Variants in ANGPTL1 observed in about 807,000 individuals in gnomAD.
The protein encoded by ANGPTL1 is angiopoietin like 1.
ANGPTL1 carries 36 observed loss-of-function variants against 46.7 expected under a neutral mutation model. The observed-to-expected ratio is 0.77, with a 90% CI of 0.59 to 1.02. ANGPTL1 has a LOEUF of 1.02. ANGPTL1 is among the 50% of genes least tolerant of loss of function. The pLI is 0.00. For synonymous variants in ANGPTL1, 221 were observed against 204.3 expected (o/e 1.08, Z -0.69); for missense variants, 571 against 594.7 (o/e 0.96, Z 0.41).
At chr1:178,851,724 C>A (rs1422397531) in intron 5 of ANGPTL1, among the ~76,000 whole-genome samples, 1 of 152,110 alleles carries the variant, frequency 6.6e-6, no homozygotes, top group Non-Finnish European at 1.5e-5. Context: ...ATAAAACCAG[C>A]AGTCAAATGG....
rs778325732 is a variant in ANGPTL1, at chr1:178,853,718, G to C, written c.893C>G (p.Pro298Arg). 48 of 1,611,080 alleles carry C rather than the reference G, an allele frequency of 3.0e-5. No homozygotes were observed. In the Admixed American group the frequency reaches 6.2e-4, roughly 21 times the overall value. ...CTGCATTGGTCCATTGCTGTTTTCA[G>C]GTTTAATCATATAAATCCCACTGAC... Reference protein sequence around the residue: ...HSVSGIYMIKPENSNGPMQLW... With the variant: ...HSVSGIYMIKRENSNGPMQLW... The change falls in exon 4 of 6, where the codon CCT becomes CGT. Residue 298 changes from proline to arginine, a missense_variant. Coordinates refer to ENST00000234816, the MANE Select transcript of ANGPTL1 (RefSeq NM_004673.4).
chr1:178,871,050 T>G lies in ANGPTL1; in HGVS notation c.-446A>C, dbSNP rs1414025644. ...CACATGGAGAAATGCAGTAACCAGCTGCAGCTGACCCAGATTGTATATACA... is the reference window on the plus strand; with the variant it reads ...CACATGGAGAAATGCAGTAACCAGCGGCAGCTGACCCAGATTGTATATACA... On this transcript the variant is annotated 5_prime_UTR_variant, in exon 1 of 6. Coordinates refer to ENST00000234816, the MANE Select transcript of ANGPTL1 (RefSeq NM_004673.4). 1 of 152,224 alleles carries G rather than the reference T, an allele frequency of 6.6e-6. No homozygotes were observed. Among genetic ancestry groups the G allele is most frequent in the African/African-American group, 2.4e-5 (1 of 41,466 alleles). The allele number at this position is 152,224 out of a possible 1,614,324, so 9.4% of individuals were successfully genotyped here.
In ANGPTL1 at chr1:178,856,810, C is replaced by A. The variant is rs375949223; in HGVS notation, c.824-3023G>T. ...ATCAAAGATGAATGTACAGTCATTT[C>A]TACTGCAGATAAATATTACTGAAAA... is the stretch of plus-strand genomic sequence containing the variant. On this transcript the variant is annotated intron_variant, in intron 3 of 5. Transcript: ENST00000234816. 7.9e-4 allele frequency among the ~76,000 whole-genome samples: 120 copies of A among 152,160 alleles called. 1 individual carries two copies. Among genetic ancestry groups the A allele is most frequent in the Non-Finnish European group, 1.4e-3 (93 of 68,000 alleles).
chr1:178,863,309 A>T (rs1190866182), intron 3 of ANGPTL1, among the ~76,000 whole-genome samples: 1 of 152,240 alleles, frequency 6.6e-6, no homozygotes, highest in Non-Finnish European at 1.5e-5. Context: ...ACATTAATCA[A>T]AACAGAGATG....
chr1:178,852,758 T>C lies in ANGPTL1; in HGVS notation c.1213A>G (p.Asn405Asp), dbSNP rs1213022940. The change falls in exon 5 of 6, where the codon AAT (asparagine) becomes GAT (aspartate). Residue 405 changes from asparagine (N) to aspartate (D), a missense_variant. By Grantham distance (23) the Asn-to-Asp change is conservative (BLOSUM62 1). Coordinates refer to ENST00000234816, the MANE Select transcript of ANGPTL1 (RefSeq NM_004673.4). ...TGCCACATCATAGAATCCCCTGCAT[T>C]TCCCTGGTAAGTTCCCAGGCGCAGT... ...YRLRLGTYQG[N>D]AGDSMMWHNG... The C allele has an allele frequency of 2.5e-6, 4 of 1,613,826 alleles. No homozygotes were observed. Among genetic ancestry groups the C allele is most frequent in the Non-Finnish European group, 3.4e-6 (4 of 1,179,880 alleles).
At chr1:178,856,200 GAGATATATATAT>G (rs1487192930) in intron 3 of ANGPTL1, among the ~76,000 whole-genome samples, 1 of 40,942 alleles carries the variant, frequency 2.4e-5, no homozygotes, top group African/African-American at 9.3e-5. Context: ...CAGAGAGAGA[GAGATATATATAT>G]ATATATATAT....
At chr1:178,851,466 T>G in intron 5 of ANGPTL1, 150 bp from the exon 6 acceptor site, 1 of 631,804 alleles carries the variant, frequency 1.6e-6, no homozygotes, top group Non-Finnish European at 2.5e-6. Flanking sequence ...CTTCACTTAC[T>G]TGATGGCTGT....
rs904914684 is a variant in ANGPTL1 at position 178,871,063 on chromosome 1, G to A, written c.-459C>T. ...GCAGTAACCAGCTGCAGCTGACCCA[G>A]ATTGTATATACAGTACCCCTGAATA... On this transcript the variant is annotated 5_prime_UTR_variant, in exon 1 of 6. Coordinates refer to ENST00000234816, the MANE Select transcript of ANGPTL1 (RefSeq NM_004673.4). 6.6e-5 allele frequency: 10 copies of A among 152,144 alleles called. No individual in the cohort carries two copies. The highest frequency in any genetic ancestry group is 2.4e-4 in the African/African-American group (10 of 41,442). 9.4% of individuals were successfully genotyped at this position (152,144 alleles called of 1,614,324 possible).
chr1:178,856,200 G>GATATATATATATATATATATATATAT (rs1348083361), intron 3 of ANGPTL1, among the ~76,000 whole-genome samples: 2 of 40,942 alleles, frequency 4.9e-5, no homozygotes, highest in African/African-American at 1.9e-4. Flanking sequence ...CAGAGAGAGA[G>GATATATATATATATATATATATATAT]AGATATATAT....
At chr1:178,856,147 T>C (rs1422924224) in intron 3 of ANGPTL1, among the ~76,000 whole-genome samples, 1 of 146,374 alleles carries the variant, frequency 6.8e-6, no homozygotes, top group Admixed American at 6.9e-5. Flanking sequence ...ATAAGGAGAA[T>C]AGGATTGTTG....
intron 4 of ANGPTL1, 95 bp from the exon 5 acceptor site, chr1:178,853,048 A>G (rs1657289979): frequency 6.7e-7 from 1 of 1,483,492 alleles, no homozygotes; most frequent in Non-Finnish European, 8.9e-7. Flanking sequence ...GCATAAAGAT[A>G]CTGGCCATTT....
intron 1 of ANGPTL1, among the ~76,000 whole-genome samples, chr1:178,870,368 A>G (rs1309210062): frequency 2.6e-5 from 4 of 152,160 alleles, no homozygotes; most frequent in Non-Finnish European, 4.4e-5. Context: ...GTTCACGACT[A>G]TTTAGTTTGT....
chr1:178,851,453 T>C, intron 5 of ANGPTL1, 137 bp from the exon 6 acceptor site: 2 of 716,056 alleles, frequency 2.8e-6, no homozygotes, highest in Non-Finnish European at 4.2e-6. Flanking sequence ...CAGTTTTAAA[T>C]GCCTTCACTT....
rs1230480601 is a variant in ANGPTL1 at position 178,850,916 on chromosome 1, ATAAC to A, written c.*209_*212del. 2.5e-6 allele frequency: 1 copy of A among 397,158 alleles called. No homozygotes were observed. The highest frequency in any genetic ancestry group is 4.4e-6 in the Non-Finnish European group (1 of 227,852). The allele number at this position is 397,158 out of a possible 1,614,324, so 24.6% of individuals were successfully genotyped here. On this transcript the variant is annotated 3_prime_UTR_variant, in exon 6 of 6. Transcript: ENST00000234816. ...GTATTTAGTCAACATAATTTTTAAAATAACTAGGTTGTGGATACACATAATTTTC... is the reference window on the plus strand; with the variant it reads ...GTATTTAGTCAACATAATTTTTAAAATAGGTTGTGGATACACATAATTTTC...
chr1:178,860,927 A>G (rs1339950598), intron 3 of ANGPTL1, among the ~76,000 whole-genome samples: 6 of 152,232 alleles, frequency 3.9e-5, no homozygotes, highest in Admixed American at 2.6e-4. Flanking sequence ...TAAAAATAAC[A>G]TAAGTGAATA....
intron 3 of ANGPTL1, among the ~76,000 whole-genome samples, chr1:178,863,957 G>A (rs1658211575): frequency 1.3e-5 from 2 of 152,120 alleles, no homozygotes; most frequent in South Asian, 4.2e-4. Context: ...TTTATGTCCT[G>A]CCTTTTCAAT....
chr1:178,865,835 G>A, intron 2 of ANGPTL1, 33 bp from the exon 3 acceptor site: 8 of 1,320,184 alleles, frequency 6.1e-6, no homozygotes, highest in Admixed American at 4.6e-5. Flanking sequence ...AGGAGAAAAA[G>A]CAAAAAGAAT....
In ANGPTL1 at chr1:178,853,729, A is replaced by G. The variant is rs757986240; in HGVS notation, c.882T>C (p.Tyr294=). 1 of 1,608,910 alleles carries G rather than the reference A, an allele frequency of 6.2e-7. No homozygotes were observed. Among genetic ancestry groups the G allele is most frequent in the South Asian group, 1.1e-5 (1 of 90,354 alleles). The part of the protein sequence containing the change: ...KEAGHSVSGI[Y]MIKPENSNGP... Reference sequence around the variant, plus strand: ...CATTGCTGTTTTCAGGTTTAATCATATAAATCCCACTGACCGAATGCCCAG... The same window carrying G: ...CATTGCTGTTTTCAGGTTTAATCATGTAAATCCCACTGACCGAATGCCCAG... Residue 294 remains tyrosine (Y), a synonymous_variant, in exon 4 of 6, where the codon TAT becomes TAC. Transcript: ENST00000234816.
chr1:178,851,020 C>A lies in ANGPTL1; in HGVS notation c.*109G>T. The A allele has an allele frequency of 9.3e-7, 1 of 1,071,750 alleles. No individual in the cohort carries two copies. The highest frequency in any genetic ancestry group is 3.2e-5 in the Admixed American group (1 of 30,858). The allele number at this position is 1,071,750 out of a possible 1,614,324, so 66.4% of individuals were successfully genotyped here. ...GTTACGGTAAAATTCATTTTAAAAA[C>A]TTTCTGTGTAGAAATAAATTGTGCC... On this transcript the variant is annotated 3_prime_UTR_variant, in exon 6 of 6. Coordinates refer to ENST00000234816, the MANE Select transcript of ANGPTL1 (RefSeq NM_004673.4).
Sources: gnomAD v4.1 joint callset for allele counts (sites outside exome capture counted in the v4.1 genomes callset) on GRCh38, gnomAD v4.1.1 for gene constraint, MANE v1.5 for transcripts, NCBI Gene and HGNC (gene_info 2026-07-23, HGNC 2026-07-21) for gene names.